ACVR1: variants seen among roughly 807,000 people sequenced by gnomAD.
ACVR1 encodes the protein activin receptor type-1.
In ACVR1, 38 loss-of-function variants were observed where a neutral mutation model predicts 57.1. The ratio of observed to expected loss-of-function variants is 0.67; its 90% CI spans 0.51 to 0.87. ACVR1 has a LOEUF of 0.87. Ranked by LOEUF, ACVR1 falls within the 40% of genes least tolerant of loss-of-function variation. ACVR1 has a pLI of 0.00. For missense variants in ACVR1, 463 were observed against 638.2 expected (o/e 0.73, Z 2.96); for synonymous variants, 212 against 228.1 (o/e 0.93, Z 0.63).
intron 7 of ACVR1, among the ~76,000 whole-genome samples, chr2:157,767,569 G>A (rs1685913651): frequency 6.6e-6 from 1 of 152,134 alleles, no homozygotes; most frequent in Non-Finnish European, 1.5e-5. Context: ...ATGGCTTGAG[G>A]AAGAATTAAA....
chr2:157,756,889 G>C (rs1459179518), intron 9 of ACVR1, among the ~76,000 whole-genome samples: 2 of 150,750 alleles, frequency 1.3e-5, no homozygotes, highest in African/African-American at 4.9e-5. Context: ...CAAAAATATG[G>C]AACTAGCCCA....
intron 3 of ACVR1, chr2:157,790,303 G>A (rs1686864439): frequency 6.6e-6 from 1 of 152,226 alleles, no homozygotes; most frequent in African/African-American, 2.4e-5. Flanking sequence ...GCAGCCAAGA[G>A]ACATACACCT....
intron 9 of ACVR1, among the ~76,000 whole-genome samples, chr2:157,757,006 GATATATATATATTTGAT>G (rs1472117439): frequency 7.7e-6 from 1 of 129,600 alleles, no homozygotes; most frequent in Non-Finnish European, 1.6e-5. Flanking sequence ...ATATATTTGA[GATATATATATATTTGAT>G]ATATATATAT....
chr2:157,861,347 G>A (rs55680221), intron 1 of ACVR1, among the ~76,000 whole-genome samples: 5,376 of 152,252 alleles, frequency 0.035, 129 homozygotes, highest in African/African-American at 0.062. Context: ...TGTGAACTTT[G>A]TTGAAGGAGA....
At chr2:157,849,494 T>C (rs1157650180) in intron 1 of ACVR1, among the ~76,000 whole-genome samples, 1 of 152,202 alleles carries the variant, frequency 6.6e-6, no homozygotes, top group Non-Finnish European at 1.5e-5. Flanking sequence ...ACAGAAAATA[T>C]CCAAACACTA....
rs371757484 is a variant in ACVR1, at chr2:157,869,765, T to C, written c.-183+6031A>G. On this transcript the variant is annotated intron_variant, in intron 1 of 10. Coordinates refer to ENST00000434821, the MANE Select transcript of ACVR1 (RefSeq NM_001111067.4). The stretch of plus-strand genomic sequence containing the variant: ...TTGCCACCTATTGTTCACAACAACT[T>C]GGGTTCTTCAAGTTCAAGATAAGCA... 3.7e-4 allele frequency among the ~76,000 whole-genome samples: 56 copies of C among 152,346 alleles called. No individual in the cohort carries two copies. In the South Asian group the frequency reaches 9.3e-3, roughly 25 times the overall value.
At chr2:157,807,513 G>GCAGCTCA (rs1444421930) in intron 2 of ACVR1, among the ~76,000 whole-genome samples, 1 of 150,910 alleles carries the variant, frequency 6.6e-6, no homozygotes, top group South Asian at 2.1e-4. Flanking sequence ...ATTCTCCAAC[G>GCAGCTCA]CAGCTCACAG....
Position 157,738,522 on chromosome 2 carries a change from T to G in ACVR1, c.1313A>C (p.Asp438Ala), listed in dbSNP as rs1574001310. The change falls in exon 10 of 11, where the codon GAC (aspartate) becomes GCC (alanine). Residue 438 changes from aspartate (D) to alanine (A), a missense_variant. By Grantham distance (126) the Asp-to-Ala change is moderately radical (BLOSUM62 -2). Coordinates refer to ENST00000434821, the MANE Select transcript of ACVR1 (RefSeq NM_001111067.4). ...CTTCCTCATATCTTCAAAACTTGGG[T>G]CATTGGGAACCACATCGTAGAACGG... ...KPPFYDVVPN[D>A]PSFEDMRKVV... is the part of the protein sequence containing the mutation. 1 of 1,614,116 alleles carries G rather than the reference T, an allele frequency of 6.2e-7. No homozygotes were observed. Among genetic ancestry groups the G allele is most frequent in the East Asian group, 2.2e-5 (1 of 44,870 alleles).
At chr2:157,787,215 T>C (rs1373371331) in intron 3 of ACVR1, among the ~76,000 whole-genome samples, 1 of 152,190 alleles carries the variant, frequency 6.6e-6, no homozygotes, top group East Asian at 1.9e-4. Flanking sequence ...TAAGACGATA[T>C]TCGTCTGTCT....
intron 9 of ACVR1, among the ~76,000 whole-genome samples, chr2:157,750,775 A>T: frequency 6.6e-6 from 1 of 152,198 alleles, no homozygotes; most frequent in East Asian, 1.9e-4. Context: ...AAATGCCCGA[A>T]AACAAATTCA....
intron 1 of ACVR1, chr2:157,875,188 G>C (rs965660421): frequency 6.6e-6 from 1 of 152,200 alleles, no homozygotes; most frequent in East Asian, 1.9e-4. Flanking sequence ...GCAAAGTACC[G>C]TGCAACATCT....
intron 1 of ACVR1, among the ~76,000 whole-genome samples, chr2:157,845,017 A>G (rs1401161981): frequency 2.0e-5 from 3 of 152,196 alleles, no homozygotes; most frequent in Non-Finnish European, 4.4e-5. Flanking sequence ...TACCCAGACT[A>G]AGGGATTTAG....
At chr2:157,874,578 T>G (rs1283672097) in intron 1 of ACVR1, among the ~76,000 whole-genome samples, 1 of 152,224 alleles carries the variant, frequency 6.6e-6, no homozygotes, top group Non-Finnish European at 1.5e-5. Context: ...GATCAGCCCA[T>G]CTCTGAAATT....
At chr2:157,839,566 G>C (rs537744396) in intron 1 of ACVR1, among the ~76,000 whole-genome samples, 1 of 152,292 alleles carries the variant, frequency 6.6e-6, no homozygotes, top group Admixed American at 6.5e-5. Context: ...CATATGTTGA[G>C]AATAGCTGTC....
chr2:157,750,854 A>G (rs988415495), intron 9 of ACVR1, among the ~76,000 whole-genome samples: 6 of 152,168 alleles, frequency 3.9e-5, no homozygotes, highest in Non-Finnish European at 7.4e-5. Flanking sequence ...TAAATTGGAA[A>G]AACAATTCAC....
rs764646879 is a variant in ACVR1 at position 157,766,207 on chromosome 2, C to T, written c.791-11G>A. 8 of 1,613,224 alleles carry T rather than the reference C, an allele frequency of 5.0e-6. No homozygotes were observed. The African/African-American group carries it at 9.4e-5, about 19-fold the overall frequency. On this transcript the variant is annotated splice_polypyrimidine_tract_variant and intron_variant, in intron 7 of 10. Transcript: ENST00000434821. The stretch of plus-strand genomic sequence containing the variant: ...CTGAAGCAATGAAACCTGGAGAGAG[C>T]AAGAAAAAAATTAATATACATGAGG...
chr2:157,845,360 A>T (rs1574140800), intron 1 of ACVR1, among the ~76,000 whole-genome samples: 2 of 152,306 alleles, frequency 1.3e-5, no homozygotes, highest in East Asian at 3.9e-4. Flanking sequence ...CTCCAATGAC[A>T]AGCATCTTTA....
At chr2:157,825,006 A>C (rs558973461) in intron 1 of ACVR1, among the ~76,000 whole-genome samples, 23 of 152,236 alleles carry the variant, frequency 1.5e-4, no homozygotes, top group African/African-American at 5.5e-4. Context: ...TCAGTCTCTC[A>C]AAGTGCTGAG....
intron 1 of ACVR1, chr2:157,838,158 C>T (rs1293083711): frequency 1.3e-5 from 2 of 152,052 alleles, no homozygotes; most frequent in South Asian, 2.1e-4. Flanking sequence ...CATGTAAAAG[C>T]GAAACAGATT....
Sources: gnomAD v4.1 joint callset for allele counts (sites outside exome capture counted in the v4.1 genomes callset) on GRCh38, gnomAD v4.1.1 for gene constraint, MANE v1.5 for transcripts, NCBI Gene and HGNC (gene_info 2026-07-23, HGNC 2026-07-21) for gene names.